PAK5: variants seen among roughly 807,000 people sequenced by gnomAD.
The protein encoded by PAK5 is serine/threonine-protein kinase PAK 5.
In PAK5, 16 loss-of-function variants were observed where a neutral mutation model predicts 65.9. The observed-to-expected ratio is 0.24, with a 90% confidence interval of 0.16 to 0.37. PAK5 has a LOEUF of 0.37. PAK5 is among the 10% of genes least tolerant of loss of function. The pLI, the probability that PAK5 is intolerant of heterozygous loss-of-function variation, is 1.00. For synonymous variants in PAK5, 371 were observed against 354.9 expected (o/e 1.05, Z -0.51); for missense variants, 785 against 903.9 (o/e 0.87, Z 1.69).
At chr20:9,601,926 G>C (rs60268169) in intron 3 of PAK5, among the ~76,000 whole-genome samples, 6,644 of 152,192 alleles carry the variant, frequency 0.044, 460 homozygotes, top group African/African-American at 0.15. Flanking sequence ...CCATGAGCAA[G>C]AAAAAGAAAT....
intron 1 of PAK5, among the ~76,000 whole-genome samples, chr20:9,714,072 G>A (rs2048111715): frequency 6.6e-6 from 1 of 152,024 alleles, no homozygotes; most frequent in Non-Finnish European, 1.5e-5. Context: ...CAATTACCTT[G>A]ACTTTATTTT....
At chr20:9,703,382 C>T (rs989782340) in intron 2 of PAK5, among the ~76,000 whole-genome samples, 10 of 152,058 alleles carry the variant, frequency 6.6e-5, no homozygotes, top group Non-Finnish European at 1.5e-4. Context: ...TTGGGAATTC[C>T]GAGCTAGGGA....
intron 3 of PAK5, among the ~76,000 whole-genome samples, chr20:9,596,732 C>T (rs6056734): frequency 0.058 from 8,595 of 148,268 alleles, 756 homozygotes; most frequent in African/African-American, 0.19. Flanking sequence ...AGAGCAAATA[C>T]TTAATAAATA....
chr20:9,630,187 A>T (rs373324762), intron 3 of PAK5, among the ~76,000 whole-genome samples: 11 of 152,300 alleles, frequency 7.2e-5, no homozygotes, highest in African/African-American at 2.2e-4. Context: ...GATGTAAAAA[A>T]TTCCGATGAT....
At chr20:9,665,085 G>GTTTTGTTTTTTTT (rs1555910636) in intron 2 of PAK5, among the ~76,000 whole-genome samples, 2 of 98,920 alleles carry the variant, frequency 2.0e-5, no homozygotes, top group African/African-American at 8.1e-5. Flanking sequence ...AAATTTTTCT[G>GTTTTGTTTTTTTT]TTTTTTTTTT....
intron 3 of PAK5, among the ~76,000 whole-genome samples, chr20:9,584,746 C>T (rs890660065): frequency 2.0e-5 from 3 of 152,218 alleles, no homozygotes; most frequent in Non-Finnish European, 4.4e-5. Flanking sequence ...TAAAAGAAAA[C>T]AGAAACAGTT....
chr20:9,582,991 A>G lies in PAK5; in HGVS notation c.205-2061T>C, dbSNP rs534627906. 2.6e-4 allele frequency among the ~76,000 whole-genome samples: 40 copies of G among 152,180 alleles called. No homozygotes were observed. In the South Asian group the frequency reaches 8.3e-3, roughly 32 times the overall value. On this transcript the variant is annotated intron_variant, in intron 3 of 9. Transcript: ENST00000353224. ...ACTTTCTGTCCCTACAAGAAGCTCC[A>G]GGTTTATCTTTTATTTTCCCTGCCC...
intron 1 of PAK5, among the ~76,000 whole-genome samples, chr20:9,789,298 T>C (rs1223435795): frequency 6.6e-6 from 1 of 152,168 alleles, no homozygotes; most frequent in Non-Finnish European, 1.5e-5. Context: ...TCATCTTACT[T>C]CCAAATCTGA....
chr20:9,631,431 C>G (rs2046919906), intron 3 of PAK5, among the ~76,000 whole-genome samples: 1 of 152,188 alleles, frequency 6.6e-6, no homozygotes, highest in South Asian at 2.1e-4. Context: ...CTAGCTCTTG[C>G]TTTCCTGCTA....
intron 2 of PAK5, among the ~76,000 whole-genome samples, chr20:9,682,173 C>T (rs993002707): frequency 3.9e-5 from 6 of 152,108 alleles, no homozygotes; most frequent in African/African-American, 1.2e-4. Flanking sequence ...CTGGCTAACA[C>T]GGTGAAACTC....
chr20:9,827,051 TTTC>T (rs1267956745), intron 1 of PAK5, among the ~76,000 whole-genome samples: 1 of 152,230 alleles, frequency 6.6e-6, no homozygotes, highest in Non-Finnish European at 1.5e-5. Flanking sequence ...TGGAATTTTT[TTTC>T]TTTCTCCAAC....
intron 2 of PAK5, among the ~76,000 whole-genome samples, chr20:9,644,658 T>A (rs966130141): frequency 1.3e-5 from 2 of 152,208 alleles, no homozygotes; most frequent in African/African-American, 4.8e-5. Flanking sequence ...AGGCATTGTA[T>A]GTTTCCACTT....
chr20:9,809,335 A>AT (rs3061945), intron 1 of PAK5, among the ~76,000 whole-genome samples: 4,930 of 135,224 alleles, frequency 0.036, 153 homozygotes, highest in African/African-American at 0.062. Flanking sequence ...GGCAATCCAA[A>AT]TTTTTTTTTT....
At chr20:9,677,334 T>C (rs2047588758) in intron 2 of PAK5, among the ~76,000 whole-genome samples, 1 of 152,152 alleles carries the variant, frequency 6.6e-6, no homozygotes, top group Admixed American at 6.5e-5. Context: ...CTGTCCTTAC[T>C]AGAGGGAGTA....
intron 1 of PAK5, among the ~76,000 whole-genome samples, chr20:9,748,005 A>G (rs2048528818): frequency 6.6e-6 from 1 of 152,242 alleles, no homozygotes; most frequent in Admixed American, 6.5e-5. Flanking sequence ...ATACAAAATC[A>G]ATGCACAAAA....
intron 1 of PAK5, among the ~76,000 whole-genome samples, chr20:9,795,676 T>C (rs775937920): frequency 6.6e-5 from 10 of 152,098 alleles, no homozygotes; most frequent in Non-Finnish European, 1.0e-4. Flanking sequence ...AAGGAGGATG[T>C]TATAAAAGGA....
intron 2 of PAK5, among the ~76,000 whole-genome samples, chr20:9,651,812 G>A (rs2123300997): frequency 6.6e-6 from 1 of 152,208 alleles, no homozygotes; most frequent in African/African-American, 2.4e-5. Flanking sequence ...AAATCCTTTT[G>A]TCCATATCCC....
intron 3 of PAK5, among the ~76,000 whole-genome samples, chr20:9,632,399 C>T (rs915567472): frequency 1.3e-5 from 2 of 152,180 alleles, no homozygotes; most frequent in African/African-American, 2.4e-5. Flanking sequence ...AAAGCTCACT[C>T]ATTTGCTTCT....
At chr20:9,816,288 A>G (rs1298544628) in intron 1 of PAK5, among the ~76,000 whole-genome samples, 1 of 152,232 alleles carries the variant, frequency 6.6e-6, no homozygotes, top group Non-Finnish European at 1.5e-5. Flanking sequence ...TCATAGGGTT[A>G]TTATGAGTAT....
Sources: allele counts gnomAD v4.1 joint callset (sites outside exome capture counted in the v4.1 genomes callset), GRCh38; gene constraint gnomAD v4.1.1; transcripts MANE v1.5; gene names NCBI Gene and HGNC (gene_info 2026-07-23, HGNC 2026-07-21).